PDS5A: variants seen among roughly 807,000 people sequenced by gnomAD.
PDS5A encodes the protein PDS5 cohesin associated factor A.
Under a neutral mutation model 167.1 loss-of-function variants are expected in PDS5A, and 42 were observed. That is an observed-to-expected ratio of 0.25 (90% CI 0.20 to 0.33). The LOEUF (loss-of-function observed/expected upper bound fraction) is 0.33, where lower values mean the gene tolerates loss of function less well. Among genes scored for constraint, PDS5A ranks in the 10% least tolerant of loss-of-function variants. PDS5A has a pLI of 1.00. For missense variants in PDS5A, 1,033 were observed against 1,605.9 expected (o/e 0.64, Z 6.10); for synonymous variants, 553 against 554.6 (o/e 1.00, Z 0.04).
chr4:39,944,141 T>C (rs1453508248), intron 2 of PDS5A, among the ~76,000 whole-genome samples: 3 of 135,254 alleles, frequency 2.2e-5, no homozygotes, highest in Non-Finnish European at 3.0e-5. Context: ...ATCACACCAC[T>C]GCAGTCCAGC....
chr4:39,898,867 T>G (rs1174948836), intron 14 of PDS5A, 42 bp from the exon 15 acceptor site: 1 of 1,325,896 alleles, frequency 7.5e-7, no homozygotes, highest in Non-Finnish European at 1.1e-6. Context: ...TAGTCATATG[T>G]GTTAACAAAT....
intron 2 of PDS5A, among the ~76,000 whole-genome samples, chr4:39,958,506 CAAA>C (rs370128527): frequency 6.2e-5 from 5 of 80,358 alleles, no homozygotes; most frequent in Admixed American, 1.4e-4. Flanking sequence ...AACTGTGTCT[CAAA>C]AAAAAAAAAA....
chr4:39,910,175 G>C (rs1335207835), intron 10 of PDS5A, 69 bp downstream of exon 10: 3 of 768,104 alleles, frequency 3.9e-6, no homozygotes, highest in Non-Finnish European at 6.6e-6. Context: ...AGTGAAGTTA[G>C]GTCACAAGTC....
intron 21 of PDS5A, among the ~76,000 whole-genome samples, chr4:39,870,877 A>G (rs1578641697): frequency 6.6e-6 from 1 of 152,198 alleles, no homozygotes; most frequent in African/African-American, 2.4e-5. Context: ...TTATATCAGC[A>G]TTATTCACAA....
At chr4:39,923,343 A>G (rs1480409977) in intron 5 of PDS5A, among the ~76,000 whole-genome samples, 4 of 150,984 alleles carry the variant, frequency 2.6e-5, no homozygotes, top group Non-Finnish European at 4.4e-5. Context: ...AAAAAAAAAA[A>G]AAAGAAAAAA....
At chr4:39,869,880 G>A (rs1269265894) in intron 21 of PDS5A, among the ~76,000 whole-genome samples, 1 of 152,172 alleles carries the variant, frequency 6.6e-6, no homozygotes, top group Non-Finnish European at 1.5e-5. Context: ...GATGAGGCAG[G>A]TGGATCACTT....
At chr4:39,828,184 C>T (rs1310328438) in intron 32 of PDS5A, among the ~76,000 whole-genome samples, 1 of 152,162 alleles carries the variant, frequency 6.6e-6, no homozygotes, top group Admixed American at 6.6e-5. Flanking sequence ...CAGCCCAAAA[C>T]ATAAACAGGA....
At chr4:39,831,983 G>C (rs548871143) in intron 32 of PDS5A, among the ~76,000 whole-genome samples, 1 of 149,566 alleles carries the variant, frequency 6.7e-6, no homozygotes, top group Non-Finnish European at 1.5e-5. Flanking sequence ...GTGTGGTGGC[G>C]CACATCTGCA....
chr4:39,896,025 G>C (rs75812079), intron 16 of PDS5A, among the ~76,000 whole-genome samples: 14,111 of 133,870 alleles, frequency 0.11, 820 homozygotes, highest in East Asian at 0.22. Flanking sequence ...CACCTGGCCC[G>C]GTTTTTTTTT....
chr4:39,920,885 G>GCTTAATA (rs1217648851), intron 6 of PDS5A, among the ~76,000 whole-genome samples: 1 of 152,130 alleles, frequency 6.6e-6, no homozygotes, highest in Non-Finnish European at 1.5e-5. Context: ...TTTTTGAAAT[G>GCTTAATA]CTTAATACTA....
intron 14 of PDS5A, among the ~76,000 whole-genome samples, chr4:39,899,316 T>G (rs55948619): frequency 6.6e-6 from 1 of 152,040 alleles, no homozygotes; most frequent in East Asian, 1.9e-4. Context: ...CTTTCCTGTA[T>G]CCCATAAAAC....
intron 2 of PDS5A, among the ~76,000 whole-genome samples, chr4:39,960,464 C>T (rs1453947954): frequency 2.6e-5 from 4 of 151,964 alleles, no homozygotes; most frequent in Admixed American, 2.0e-4. Flanking sequence ...TGTCAAAGAC[C>T]GAATGCCAAC....
chr4:39,944,034 G>A lies in PDS5A; in HGVS notation c.139-15870C>T, dbSNP rs140687550. 4.8e-4 allele frequency among the ~76,000 whole-genome samples: 73 copies of A among 151,126 alleles called. 1 individual carries two copies. The highest frequency in any genetic ancestry group is 1.6e-3 in the African/African-American group (67 of 41,188). On this transcript the variant is annotated intron_variant, in intron 2 of 32. Transcript: ENST00000303538. ...CTACTAAAAAAACAAAAAAATTAGC[G>A]GGGCGTGGTGGCGGGCACCTGTAGT... is the stretch of plus-strand genomic sequence containing the variant.
chr4:39,879,687 C>A (rs760012310), intron 18 of PDS5A, 41 bp downstream of exon 18: 8 of 1,187,768 alleles, frequency 6.7e-6, no homozygotes, highest in Non-Finnish European at 1.0e-5. Flanking sequence ...CAAATTATGA[C>A]CCCACGGAAA....
intron 32 of PDS5A, among the ~76,000 whole-genome samples, chr4:39,836,849 C>A (rs549673385): frequency 6.7e-6 from 1 of 149,420 alleles, no homozygotes; most frequent in Non-Finnish European, 1.5e-5. Context: ...CCTTCTGTCA[C>A]CCAGGCTGGA....
At chr4:39,873,820 G>A (rs1273053194) in intron 20 of PDS5A, among the ~76,000 whole-genome samples, 4 of 152,098 alleles carry the variant, frequency 2.6e-5, no homozygotes, top group Non-Finnish European at 2.9e-5. Flanking sequence ...GAAGTGGGTG[G>A]ATCGCTTCAG....
At chr4:39,909,529 TAAAAGA>T (rs1279515220) in intron 10 of PDS5A, among the ~76,000 whole-genome samples, 102 of 152,320 alleles carry the variant, frequency 6.7e-4, no homozygotes, top group Non-Finnish European at 1.0e-4. Context: ...TTAAAAAGCT[TAAAAGA>T]AAAACAGTGA....
At chr4:39,898,742 T>C in intron 15 of PDS5A, 35 bp downstream of exon 15, 1 of 1,348,336 alleles carries the variant, frequency 7.4e-7, no homozygotes, top group Non-Finnish European at 1.0e-6. Context: ...CATTTACGTT[T>C]ACTACATGTT....
rs545193111 is a variant in PDS5A at position 39,950,503 on chromosome 4, C to T, written c.139-22339G>A. ...CCTGTAATCTCAACACTTTGGAGGC[C>T]GAGGCAGGTGGATGAGGTCAGGAAT... On this transcript the variant is annotated intron_variant, in intron 2 of 32. Coordinates refer to ENST00000303538, the MANE Select transcript of PDS5A (RefSeq NM_001100399.2). 1.1e-4 allele frequency among the ~76,000 whole-genome samples: 16 copies of T among 152,108 alleles called. No individual in the cohort carries two copies. The South Asian group carries it at 2.9e-3, about 28-fold the overall frequency.
Sources: allele counts gnomAD v4.1 joint callset (sites outside exome capture counted in the v4.1 genomes callset), GRCh38; gene constraint gnomAD v4.1.1; transcripts MANE v1.5; gene names NCBI Gene and HGNC (gene_info 2026-07-23, HGNC 2026-07-21).